OPHN1: variants seen among roughly 807,000 people sequenced by gnomAD.
OPHN1 encodes the protein oligophrenin-1.
A neutral mutation model predicts 60.7 loss-of-function variants in OPHN1; 11 were observed. The ratio of observed to expected loss-of-function variants is 0.18; its 90% CI spans 0.11 to 0.30. The LOEUF is 0.30. Among genes scored for constraint, OPHN1 ranks in the 10% least tolerant of loss-of-function variants. The pLI is 1.00. For synonymous variants in OPHN1, 226 were observed against 222.6 expected (o/e 1.02, Z -0.14); for missense variants, 449 against 611.0 (o/e 0.73, Z 2.80).
intron 20 of OPHN1, among the ~76,000 whole-genome samples, chrX:68,072,142 T>G (rs1018043987): frequency 9.0e-6 from 1 of 111,340 alleles, no homozygotes; most frequent in Admixed American, 9.5e-5. Flanking sequence ...GAGACCAGAG[T>G]AGGAGCAGGT....
chrX:68,207,529 T>C (rs1317469576), intron 9 of OPHN1, among the ~76,000 whole-genome samples: 1 of 111,432 alleles, frequency 9.0e-6, no homozygotes, highest in Non-Finnish European at 1.9e-5. Flanking sequence ...TTCTCTGATT[T>C]CCCTATTGTC....
chrX:68,371,878 G>A (rs774839137), intron 2 of OPHN1, among the ~76,000 whole-genome samples: 121 of 112,234 alleles, frequency 1.1e-3, no homozygotes, highest in African/African-American at 3.8e-3. Flanking sequence ...CCAAGTAGCT[G>A]GGACTACAGG....
At chrX:68,168,704 C>T (rs1415902095) in intron 15 of OPHN1, among the ~76,000 whole-genome samples, 20 of 112,155 alleles carry the variant, frequency 1.8e-4, no homozygotes, top group African/African-American at 5.2e-4. Flanking sequence ...AAAAAATTAA[C>T]GAATCCAGGA....
chrX:68,146,392 A>G (rs1004738184), intron 15 of OPHN1, among the ~76,000 whole-genome samples: 6 of 112,332 alleles, frequency 5.3e-5, no homozygotes, highest in African/African-American at 1.9e-4. Flanking sequence ...TTAGTTAATT[A>G]GTGAGATAAC....
chrX:68,419,537 A>AATTT (rs2078816288), intron 2 of OPHN1, among the ~76,000 whole-genome samples: 1 of 64,863 alleles, frequency 1.5e-5, no homozygotes, highest in Non-Finnish European at 3.6e-5. Flanking sequence ...ACTCCTTAAC[A>AATTT]ATTTTTTTTT....
chrX:68,413,904 G>A (rs2078781499), intron 2 of OPHN1, among the ~76,000 whole-genome samples: 1 of 111,665 alleles, frequency 9.0e-6, no homozygotes, highest in African/African-American at 3.3e-5. Flanking sequence ...TCTTTACAGT[G>A]TATTACACAA....
intron 2 of OPHN1, among the ~76,000 whole-genome samples, chrX:68,374,964 T>TA (rs2078548958): frequency 8.9e-6 from 1 of 112,139 alleles, no homozygotes; most frequent in African/African-American, 3.2e-5. Context: ...AAAGTGGCCA[T>TA]ACCATGTGCT....
intron 18 of OPHN1, among the ~76,000 whole-genome samples, chrX:68,106,772 T>C (rs1234144423): frequency 2.7e-5 from 3 of 112,099 alleles, no homozygotes; most frequent in Non-Finnish European, 5.6e-5. Flanking sequence ...ACTCATCATA[T>C]AGATGATGAA....
intron 19 of OPHN1, among the ~76,000 whole-genome samples, chrX:68,079,485 C>G (rs937635099): frequency 2.7e-5 from 3 of 111,762 alleles, no homozygotes; most frequent in Non-Finnish European, 5.6e-5. Context: ...TTAACCAATC[C>G]ATTTCTAAAA....
intron 19 of OPHN1, among the ~76,000 whole-genome samples, chrX:68,087,821 C>A (rs1441688042): frequency 8.9e-6 from 1 of 111,955 alleles, no homozygotes; most frequent in Non-Finnish European, 1.9e-5. Flanking sequence ...AAAAACCATA[C>A]TCTTAACTAC....
At chrX:68,188,038 C>T (rs1282063941) in intron 15 of OPHN1, among the ~76,000 whole-genome samples, 9 of 112,163 alleles carry the variant, frequency 8.0e-5, no homozygotes, top group Non-Finnish European at 1.1e-4. Flanking sequence ...AGCTGAAAGA[C>T]TCTCCCCAAG....
chrX:68,119,845 A>G (rs1169098024), intron 15 of OPHN1, among the ~76,000 whole-genome samples: 2 of 111,922 alleles, frequency 1.8e-5, no homozygotes, highest in African/African-American at 6.5e-5. Context: ...GAGTCCTATC[A>G]AGTTTTGATG....
chrX:68,321,596 G>A (rs1238776469), intron 2 of OPHN1, among the ~76,000 whole-genome samples: 1 of 111,850 alleles, frequency 8.9e-6, no homozygotes, highest in Non-Finnish European at 1.9e-5. Context: ...ACTTACAAGT[G>A]GGAGCTAAGC....
chrX:68,352,182 T>C (rs190280395), intron 2 of OPHN1, among the ~76,000 whole-genome samples: 1 of 110,104 alleles, frequency 9.1e-6, no homozygotes, highest in Admixed American at 9.8e-5. Context: ...CAGAAATGTT[T>C]GTTAAATCCA....
chrX:68,183,689 T>TA (rs1198019791), intron 15 of OPHN1, among the ~76,000 whole-genome samples: 1 of 112,309 alleles, frequency 8.9e-6, no homozygotes, highest in Non-Finnish European at 1.9e-5. Flanking sequence ...AAAAAATTAC[T>TA]ATTCTTTGTT....
chrX:68,225,685 A>G (rs2077687577), intron 6 of OPHN1, among the ~76,000 whole-genome samples: 1 of 112,510 alleles, frequency 8.9e-6, no homozygotes, highest in African/African-American at 3.2e-5. Flanking sequence ...GAAAACTAAC[A>G]AACAGAAAGG....
chrX:68,201,234 G>A (rs1280255178), intron 11 of OPHN1, among the ~76,000 whole-genome samples: 3 of 112,170 alleles, frequency 2.7e-5, no homozygotes, highest in Non-Finnish European at 3.8e-5. Flanking sequence ...TCAAAAATGT[G>A]TGCCAATTCA....
chrX:68,063,200 AC>A (rs1225070363), intron 21 of OPHN1, among the ~76,000 whole-genome samples: 2 of 110,348 alleles, frequency 1.8e-5, no homozygotes, highest in African/African-American at 6.6e-5. Context: ...ATTAAAAAAA[AC>A]AAACAAACAA....
At chrX:68,310,652 T>TA (rs1166298608) in intron 2 of OPHN1, among the ~76,000 whole-genome samples, 3 of 111,383 alleles carry the variant, frequency 2.7e-5, no homozygotes, top group African/African-American at 9.8e-5. Flanking sequence ...TAAATATGAA[T>TA]AATTTAAATA....
Sources: gnomAD v4.1 joint callset for allele counts (sites outside exome capture counted in the v4.1 genomes callset) on GRCh38, gnomAD v4.1.1 for gene constraint, MANE v1.5 for transcripts, NCBI Gene and HGNC (gene_info 2026-07-23, HGNC 2026-07-21) for gene names.